The following ENOX1 variants were observed in gnomAD, a reference collection of about 807,000 sequenced individuals.
ENOX1 encodes the protein ecto-NOX disulfide-thiol exchanger 1, also known as candidate growth-related and time keeping constitutive hydroquinone (NADH) oxidase.
In ENOX1, 42 loss-of-function variants were observed where a neutral mutation model predicts 82.5. The observed-to-expected ratio is 0.51, with a 90% CI of 0.40 to 0.66. ENOX1 has a LOEUF of 0.66. ENOX1 is among the 30% of genes least tolerant of loss of function. ENOX1 has a pLI of 0.00. For missense variants in ENOX1, 608 were observed against 811.6 expected (o/e 0.75, Z 3.05); for synonymous variants, 271 against 282.2 (o/e 0.96, Z 0.40).
chr13:43,504,848 G>A (rs2077097890), intron 2 of ENOX1, among the ~76,000 whole-genome samples: 1 of 151,456 alleles, frequency 6.6e-6, no homozygotes, highest in South Asian at 2.1e-4. Flanking sequence ...GAAACTTTTG[G>A]AGGTGATTAA....
chr13:43,277,011 C>A (rs573139955), intron 12 of ENOX1, among the ~76,000 whole-genome samples: 10 of 152,298 alleles, frequency 6.6e-5, no homozygotes, highest in South Asian at 6.2e-4. Context: ...CTGGTGCCCC[C>A]CTCCCTGCCT....
At chr13:43,553,137 C>G (rs987088938) in intron 2 of ENOX1, among the ~76,000 whole-genome samples, 1 of 152,018 alleles carries the variant, frequency 6.6e-6, no homozygotes, top group Non-Finnish European at 1.5e-5. Flanking sequence ...TGTTAGGAGG[C>G]ACCAGAAGTT....
intron 2 of ENOX1, among the ~76,000 whole-genome samples, chr13:43,666,304 T>C (rs1268653485): frequency 1.3e-5 from 2 of 152,308 alleles, no homozygotes; most frequent in East Asian, 3.9e-4. Flanking sequence ...ATTGGCTGAA[T>C]TGTGTACCCC....
rs768100380 is a variant in ENOX1, at chr13:43,298,539, C to A, written c.1262-9G>T. ...GGCCTGGGCAGCCAGGGCTGAGGGA[C>A]AAACAGAACGAGTTCAGGTGAGCTA... On this transcript the variant is annotated splice_polypyrimidine_tract_variant and intron_variant, in intron 11 of 16. Coordinates refer to ENST00000690772, the MANE Select transcript of ENOX1 (RefSeq NM_001347969.2). The A allele has an allele frequency of 1.9e-6, 3 of 1,604,668 alleles. No individual in the cohort carries two copies. The highest frequency in any genetic ancestry group is 2.2e-5 in the East Asian group (1 of 44,750).
intron 14 of ENOX1, among the ~76,000 whole-genome samples, chr13:43,253,091 T>A (rs970225360): frequency 2.6e-5 from 4 of 152,212 alleles, no homozygotes; most frequent in South Asian, 2.1e-4. Flanking sequence ...AAGCATTTCA[T>A]TAAGTGTGGA....
chr13:43,235,154 T>C (rs1335466568), intron 15 of ENOX1, among the ~76,000 whole-genome samples: 1 of 152,188 alleles, frequency 6.6e-6, no homozygotes, highest in Non-Finnish European at 1.5e-5. Flanking sequence ...ACCAACTACA[T>C]ATGGGTTCGT....
chr13:43,397,994 T>C (rs902722837), intron 5 of ENOX1, among the ~76,000 whole-genome samples: 8 of 152,176 alleles, frequency 5.3e-5, no homozygotes, highest in African/African-American at 1.9e-4. Flanking sequence ...CGTCTTTACA[T>C]GGTGGAAGCA....
chr13:43,688,631 GCT>G (rs1260877971), intron 1 of ENOX1, among the ~76,000 whole-genome samples: 1 of 152,188 alleles, frequency 6.6e-6, no homozygotes, highest in Admixed American at 6.5e-5. Flanking sequence ...TCGACCCAAG[GCT>G]AGGGCATGCC....
Position 43,360,155 on chromosome 13 carries a change from A to T in ENOX1, c.383-98T>A, listed in dbSNP as rs538630025. 3.3e-5 allele frequency: 36 copies of T among 1,084,226 alleles called. No homozygotes were observed. In the South Asian group the frequency reaches 5.1e-4, roughly 15 times the overall value. 67.2% of individuals were successfully genotyped at this position (1,084,226 alleles called of 1,614,324 possible). On this transcript the variant is annotated intron_variant, in intron 6 of 16. Coordinates refer to ENST00000690772, the MANE Select transcript of ENOX1 (RefSeq NM_001347969.2). Reference sequence around the variant, plus strand: ...AAGCTTGCAGAGTAACTTTCTCCAGACTGAGTGACGGTAAATTTCTATGCC... The same window carrying T: ...AAGCTTGCAGAGTAACTTTCTCCAGTCTGAGTGACGGTAAATTTCTATGCC...
intron 3 of ENOX1, among the ~76,000 whole-genome samples, chr13:43,432,217 C>T (rs539999499): frequency 1.4e-4 from 21 of 152,098 alleles, no homozygotes; most frequent in Non-Finnish European, 2.5e-4. Context: ...GTTGGCCTTA[C>T]CACACCCTAT....
At chr13:43,748,353 A>G (rs1950135012) in intron 1 of ENOX1, among the ~76,000 whole-genome samples, 1 of 152,238 alleles carries the variant, frequency 6.6e-6, no homozygotes, top group Non-Finnish European at 1.5e-5. Flanking sequence ...CATTACTTGA[A>G]GCACTTTTAA....
chr13:43,341,079 C>T (rs540638038), intron 9 of ENOX1, among the ~76,000 whole-genome samples: 13 of 152,168 alleles, frequency 8.5e-5, no homozygotes, highest in Admixed American at 4.6e-4. Flanking sequence ...GGGCAGATCA[C>T]GAGGTCAGGA....
At chr13:43,336,813 A>T (rs1351446641) in intron 9 of ENOX1, among the ~76,000 whole-genome samples, 1 of 152,168 alleles carries the variant, frequency 6.6e-6, no homozygotes, top group African/African-American at 2.4e-5. Flanking sequence ...GAAAAAGGAG[A>T]CTGAAGTTGC....
At chr13:43,719,334 CA>C (rs2088395009) in intron 1 of ENOX1, among the ~76,000 whole-genome samples, 2 of 151,568 alleles carry the variant, frequency 1.3e-5, no homozygotes, top group African/African-American at 4.9e-5. Context: ...CACACACACA[CA>C]CACACACACA....
At position 43,451,976 on chromosome 13, in the gene ENOX1, G is replaced by A. The variant is rs577564487; in HGVS notation, c.-75+32033C>T. Among the ~76,000 whole-genome samples, 3 of 152,248 alleles carry A rather than the reference G, an allele frequency of 2.0e-5. No homozygotes were observed. In the South Asian group the frequency reaches 6.2e-4, roughly 32 times the overall value. On this transcript the variant is annotated intron_variant, in intron 3 of 16. Coordinates refer to ENST00000690772, the MANE Select transcript of ENOX1 (RefSeq NM_001347969.2). ...GAGCAGACAAAACGTTTTCAAGTAC[G>A]AATTCAGTGGTTAAGGAAGGCCTCA...
chr13:43,342,473 T>C (rs1452261008), intron 9 of ENOX1, among the ~76,000 whole-genome samples: 3 of 152,134 alleles, frequency 2.0e-5, no homozygotes, highest in South Asian at 2.1e-4. Flanking sequence ...ATTCCACTTT[T>C]GATATTTCAA....
In ENOX1 at chr13:43,762,136, G is replaced by A. The variant is rs117978017; in HGVS notation, c.-285+24516C>T. ...TCATCTGGCAACATCTCGATTAAGCGGGAAACTCATAAATTAAAGCAGCTC... is the reference window on the plus strand; with the variant it reads ...TCATCTGGCAACATCTCGATTAAGCAGGAAACTCATAAATTAAAGCAGCTC... On this transcript the variant is annotated intron_variant, in intron 1 of 16. Coordinates refer to ENST00000690772, the MANE Select transcript of ENOX1 (RefSeq NM_001347969.2). Among the ~76,000 whole-genome samples the A allele has an allele frequency of 8.7e-3, 1,317 of 152,050 alleles. 6 individuals carry two copies. Among genetic ancestry groups the A allele is most frequent in the Non-Finnish European group, 0.015 (995 of 68,020 alleles).
chr13:43,247,848 TATATATATATATATATATATA>T (rs2043174087), intron 14 of ENOX1, among the ~76,000 whole-genome samples: 20 of 1,892 alleles, frequency 0.011, 1 homozygote, highest in East Asian at 0.062. Flanking sequence ...TATATATATA[TATATATATATATATATATATA>T]TATATATATA....
chr13:43,288,610 T>G (rs909872548), intron 12 of ENOX1, among the ~76,000 whole-genome samples: 1 of 152,224 alleles, frequency 6.6e-6, no homozygotes, highest in Non-Finnish European at 1.5e-5. Context: ...TACTGAATTA[T>G]TTTCTGCACT....
Sources: gnomAD v4.1 joint callset for allele counts (sites outside exome capture counted in the v4.1 genomes callset) on GRCh38, gnomAD v4.1.1 for gene constraint, MANE v1.5 for transcripts, NCBI Gene and HGNC (gene_info 2026-07-23, HGNC 2026-07-21) for gene names.